Variants in PCDH15 observed in about 807,000 individuals in gnomAD.
The protein encoded by PCDH15 is protocadherin-15.
Under a neutral mutation model 178.5 loss-of-function variants are expected in PCDH15, and 129 were observed. The ratio of observed to expected loss-of-function variants is 0.72; its 90% CI spans 0.63 to 0.84. The LOEUF (loss-of-function observed/expected upper bound fraction) is 0.84. PCDH15 is among the 40% of genes least tolerant of loss of function. The pLI is 0.00. For synonymous variants in PCDH15, 800 were observed against 732.0 expected, an observed-to-expected ratio of 1.09 and a Z score of -1.50; for missense variants, 2,230 against 2,099.9, an observed-to-expected ratio of 1.06 and a Z score of -1.21.
rs994328617 is a variant in PCDH15, at chr10:54,448,065, C to G, written c.158-69123G>C. Among the ~76,000 whole-genome samples, 3 of 151,558 alleles carry G rather than the reference C, an allele frequency of 2.0e-5. No homozygotes were observed. In the East Asian group the frequency reaches 5.8e-4, roughly 29 times the overall value. Reference sequence around the variant, plus strand: ...TTTAGAACGTTAAAGTTTCTCCACTCTAATATATACAGAACTTCTCTAACC... The same window carrying G: ...TTTAGAACGTTAAAGTTTCTCCACTGTAATATATACAGAACTTCTCTAACC... On this transcript the variant is annotated intron_variant, in intron 3 of 37. Transcript: ENST00000644397.
intron 2 of PCDH15, among the ~76,000 whole-genome samples, chr10:55,106,060 T>A (rs2132050761): frequency 6.6e-6 from 1 of 152,230 alleles, no homozygotes; most frequent in Admixed American, 6.5e-5. Flanking sequence ...ACAACTTTTC[T>A]GTTTTAATCA....
chr10:53,938,049 A>G (rs961743061), intron 25 of PCDH15, among the ~76,000 whole-genome samples: 1 of 152,170 alleles, frequency 6.6e-6, no homozygotes, highest in African/African-American at 2.4e-5. Context: ...CTTAAATGCA[A>G]AAGAGTATTA....
At chr10:54,755,060 T>C (rs1946888927) in intron 1 of PCDH15, among the ~76,000 whole-genome samples, 2 of 150,188 alleles carry the variant, frequency 1.3e-5, no homozygotes, top group Non-Finnish European at 3.0e-5. Context: ...GCGATTCTCC[T>C]GCCTCAGCCT....
chr10:54,942,888 T>A (rs1273367124), intron 2 of PCDH15, among the ~76,000 whole-genome samples: 3 of 152,034 alleles, frequency 2.0e-5, no homozygotes, highest in Non-Finnish European at 4.4e-5. Context: ...GGTCACAGAT[T>A]AAGCTAAAGA....
chr10:54,220,848 ATAAATAAATAAATAAATAAATAAG>A lies in PCDH15; in HGVS notation c.986-6824_986-6801del, dbSNP rs1440076815. Among the ~76,000 whole-genome samples, 542 of 150,780 alleles carry A rather than the reference ATAAATAAATAAATAAATAAATAAG, an allele frequency of 3.6e-3. 3 individuals are homozygous for A. The highest frequency in any genetic ancestry group is 0.012 in the African/African-American group (511 of 41,178). On this transcript the variant is annotated intron_variant, in intron 9 of 37. Transcript: ENST00000644397. The stretch of plus-strand genomic sequence containing the variant: ...TCAAAATAAATAAATAAATAAATAA[ATAAATAAATAAATAAATAAATAAG>A]TAAAATAAATACATCTCCTTGGACA...
intron 20 of PCDH15, 117 bp from the exon 21 acceptor site, chr10:53,995,882 T>A (rs1000584593): frequency 1.1e-6 from 1 of 886,950 alleles, no homozygotes; most frequent in Non-Finnish European, 1.8e-6. Context: ...CAGCCTTCCA[T>A]CCTCTCAATT....
intron 2 of PCDH15, among the ~76,000 whole-genome samples, chr10:55,002,696 A>G (rs960626915): frequency 1.2e-5 from 1 of 83,510 alleles, no homozygotes; most frequent in Non-Finnish European, 2.6e-5. Flanking sequence ...ACTCAGGGCC[A>G]GAAACTAAAA....
intron 18 of PCDH15, 30 bp from the exon 19 acceptor site, chr10:54,023,227 T>A (rs1369535393): frequency 5.6e-6 from 9 of 1,599,024 alleles, no homozygotes; most frequent in East Asian, 2.2e-5. Flanking sequence ...AACAAAAAAA[T>A]TCACGTAAGT....
rs1459547040 is a variant in PCDH15, at chr10:54,329,691, A to T, written c.610T>A (p.Phe204Ile). ...CCAGTCAACATTAGGGGAATTTCAA[A>T]GGTGTCATTGGATGTCTGCAAATAT... ...NPDDPTSNDT[F>I]EIPLMLTGNI... The change falls in exon 7 of 38, where the codon TTT becomes ATT. Residue 204 changes from phenylalanine (F) to isoleucine (I), a missense_variant. By Grantham distance (21) the Phe-to-Ile change is conservative (BLOSUM62 0). Coordinates refer to ENST00000644397, the MANE Select transcript of PCDH15 (RefSeq NM_001384140.1). 2 of 1,596,648 alleles carry T rather than the reference A, an allele frequency of 1.3e-6. No individual in the cohort carries two copies. The highest frequency in any genetic ancestry group is 3.3e-5 in the Admixed American group (2 of 59,892).
intron 8 of PCDH15, among the ~76,000 whole-genome samples, chr10:54,247,198 A>G (rs1307293484): frequency 6.6e-6 from 1 of 151,914 alleles, no homozygotes; most frequent in Non-Finnish European, 1.5e-5. Context: ...ACCTGTACAC[A>G]TATCCTGAAT....
chr10:55,519,093 C>CAAAAA (rs33942260), intron 2 of PCDH15, among the ~76,000 whole-genome samples: 98 of 66,128 alleles, frequency 1.5e-3, no homozygotes, highest in Non-Finnish European at 2.0e-3. Flanking sequence ...GATTTCGTCT[C>CAAAAA]AAAAAAAAAA....
intron 3 of PCDH15, among the ~76,000 whole-genome samples, chr10:54,814,390 G>A (rs906453837): frequency 4.6e-5 from 7 of 152,048 alleles, no homozygotes; most frequent in East Asian, 1.9e-4. Flanking sequence ...AAAATTAAAC[G>A]TGTATCTAAC....
chr10:53,980,419 C>G (rs979804404), intron 21 of PCDH15, among the ~76,000 whole-genome samples: 1 of 148,988 alleles, frequency 6.7e-6, no homozygotes, highest in Non-Finnish European at 1.5e-5. Flanking sequence ...CATATTTTCA[C>G]GAAAACTTTC....
intron 1 of PCDH15, among the ~76,000 whole-genome samples, chr10:54,736,304 T>C (rs1944109429): frequency 6.6e-6 from 1 of 152,080 alleles, no homozygotes. Context: ...ATTTTATCAA[T>C]CACAAGTTTC....
chr10:54,805,762 G>A (rs1005352140), upstream of PCDH15, among the ~76,000 whole-genome samples: 5 of 152,058 alleles, frequency 3.3e-5, no homozygotes, highest in African/African-American at 7.2e-5. Context: ...AGTAGCTTAA[G>A]GGCAATGCTC....
At chr10:54,419,112 C>G (rs1758817) in intron 3 of PCDH15, among the ~76,000 whole-genome samples, 31,209 of 151,744 alleles carry the variant, frequency 0.21, 3,998 homozygotes, top group African/African-American at 0.36. Context: ...ATGGGAGAAG[C>G]GCTTTCTCAT....
intron 1 of PCDH15, among the ~76,000 whole-genome samples, chr10:54,739,152 A>T (rs1944470726): frequency 2.0e-5 from 3 of 152,026 alleles, no homozygotes; most frequent in Admixed American, 2.0e-4. Context: ...TTATATTTAG[A>T]ACATAAATAT....
Position 55,090,284 on chromosome 10 carries a change from C to G in PCDH15, c.-80+76292G>C, listed in dbSNP as rs191052897. 3.0e-3 allele frequency among the ~76,000 whole-genome samples: 454 copies of G among 152,008 alleles called. 3 individuals are homozygous for G. The highest frequency in any genetic ancestry group is 0.011 in the African/African-American group (444 of 41,494). ...GTATTAAACTTAAAAAATACCAAAA[C>G]AAGAATTATACAATATTCATTTCAG... On this transcript the variant is annotated intron_variant, in intron 2 of 5. Transcript: ENST00000458638.
At chr10:55,430,032 A>T (rs1230579712) in intron 2 of PCDH15, among the ~76,000 whole-genome samples, 1 of 152,228 alleles carries the variant, frequency 6.6e-6, no homozygotes, top group Non-Finnish European at 1.5e-5. Context: ...AGATTCACCA[A>T]GAATTTGTTA....
Sources: gnomAD v4.1 joint callset for allele counts (sites outside exome capture counted in the v4.1 genomes callset) on GRCh38, gnomAD v4.1.1 for gene constraint, MANE v1.5 for transcripts, NCBI Gene and HGNC (gene_info 2026-07-23, HGNC 2026-07-21) for gene names.